The following SGCZ variants were observed in gnomAD, a reference collection of about 807,000 sequenced individuals.
SGCZ encodes zeta-sarcoglycan.
In SGCZ, 40 loss-of-function variants were observed where a neutral mutation model predicts 41.3. That is an observed-to-expected ratio of 0.97 (90% confidence interval 0.75 to 1.26). The LOEUF (loss-of-function observed/expected upper bound fraction) is 1.26, where lower values mean the gene tolerates loss of function less well. SGCZ is among the 50% of genes most tolerant of loss of function. The pLI, the probability that SGCZ is intolerant of heterozygous loss-of-function variation, is 0.00. For synonymous variants in SGCZ, 206 were observed against 137.5 expected (o/e 1.50, Z -3.49); for missense variants, 552 against 369.8 (o/e 1.49, Z -4.04).
At chr8:14,509,430 T>G (rs1802404757) in intron 2 of SGCZ, among the ~76,000 whole-genome samples, 1 of 152,194 alleles carries the variant, frequency 6.6e-6, no homozygotes, top group South Asian at 2.1e-4. Context: ...ATAATTGCTT[T>G]GGATATGATT....
At chr8:14,972,143 A>G (rs778041014) in intron 1 of SGCZ, among the ~76,000 whole-genome samples, 94 of 152,280 alleles carry the variant, frequency 6.2e-4, no homozygotes, top group Non-Finnish European at 1.1e-3. Flanking sequence ...AGAACTCTTC[A>G]GTAAATGATA....
chr8:14,557,345 T>C (rs993850063), intron 1 of SGCZ, among the ~76,000 whole-genome samples: 3 of 151,996 alleles, frequency 2.0e-5, no homozygotes, highest in Admixed American at 2.0e-4. Flanking sequence ...GTTGAATGTA[T>C]AGATTGTGAA....
intron 2 of SGCZ, among the ~76,000 whole-genome samples, chr8:14,500,069 G>A (rs944038554): frequency 6.6e-6 from 1 of 151,988 alleles, no homozygotes; most frequent in African/African-American, 2.4e-5. Flanking sequence ...CCATTAAAAG[G>A]GTACTTGAAA....
At chr8:14,633,862 T>C (rs1002605534) in intron 1 of SGCZ, among the ~76,000 whole-genome samples, 2 of 151,902 alleles carry the variant, frequency 1.3e-5, no homozygotes, top group Admixed American at 6.6e-5. Flanking sequence ...CTCATAAACA[T>C]GCTGTGTTTT....
intron 1 of SGCZ, among the ~76,000 whole-genome samples, chr8:14,756,428 G>A (rs751642075): frequency 2.0e-5 from 3 of 152,010 alleles, no homozygotes; most frequent in Non-Finnish European, 2.9e-5. Flanking sequence ...CAGGTGATCC[G>A]CCCATCTGGG....
chr8:14,505,030 A>C (rs903342264), intron 2 of SGCZ, among the ~76,000 whole-genome samples: 2 of 152,080 alleles, frequency 1.3e-5, no homozygotes, highest in African/African-American at 4.8e-5. Flanking sequence ...AAATTTATTA[A>C]ATTATAAAAT....
chr8:14,762,513 G>C (rs1234516294), intron 1 of SGCZ, among the ~76,000 whole-genome samples: 2 of 152,208 alleles, frequency 1.3e-5, no homozygotes, highest in Admixed American at 1.3e-4. Context: ...CCAACATATA[G>C]TAAGTACTGA....
intron 1 of SGCZ, among the ~76,000 whole-genome samples, chr8:14,898,643 C>T (rs901721572): frequency 1.3e-5 from 2 of 151,878 alleles, no homozygotes; most frequent in African/African-American, 4.8e-5. Context: ...AAGCGAGAAT[C>T]GAAAGGATTT....
chr8:14,752,493 T>C (rs1217374079), intron 1 of SGCZ, among the ~76,000 whole-genome samples: 1 of 152,216 alleles, frequency 6.6e-6, no homozygotes, highest in East Asian at 1.9e-4. Context: ...AATTACCATC[T>C]CAATCTATTG....
chr8:15,083,310 T>C (rs1342012531), intron 1 of SGCZ, among the ~76,000 whole-genome samples: 1 of 152,198 alleles, frequency 6.6e-6, no homozygotes. Context: ...AGAAATAGCA[T>C]ATAAACAGAT....
chr8:14,846,836 G>A (rs898100881), intron 1 of SGCZ, among the ~76,000 whole-genome samples: 5 of 151,878 alleles, frequency 3.3e-5, no homozygotes, highest in Admixed American at 6.6e-5. Flanking sequence ...TTGGGAGGCC[G>A]AGTCGGGTGG....
At position 14,395,275 on chromosome 8, in the gene SGCZ, T is replaced by C. The variant is rs113207952; in HGVS notation, c.235-71071A>G. On this transcript the variant is annotated intron_variant, in intron 2 of 7. Coordinates refer to ENST00000382080, the MANE Select transcript of SGCZ (RefSeq NM_139167.4). ...GCCCTTGAAAATTCAGATGCATGTA[T>C]TCAACTAGAAGTTACTATTGTGGTA... Among the ~76,000 whole-genome samples, 5 of 152,256 alleles carry C rather than the reference T, an allele frequency of 3.3e-5. 1 individual carries two copies. The highest frequency in any genetic ancestry group is 1.2e-4 in the African/African-American group (5 of 41,566).
intron 3 of SGCZ, among the ~76,000 whole-genome samples, chr8:14,316,373 T>G (rs757014328): frequency 2.0e-5 from 3 of 152,020 alleles, no homozygotes. Flanking sequence ...CATCACCATT[T>G]GTATATCTTT....
intron 1 of SGCZ, among the ~76,000 whole-genome samples, chr8:15,183,552 G>C (rs1173372617): frequency 1.3e-5 from 2 of 152,092 alleles, no homozygotes; most frequent in Non-Finnish European, 2.9e-5. Flanking sequence ...GCATCATTTT[G>C]TGTGTTACTG....
At chr8:15,178,385 A>T (rs1337195028) in intron 1 of SGCZ, among the ~76,000 whole-genome samples, 1 of 152,046 alleles carries the variant, frequency 6.6e-6, no homozygotes, top group Non-Finnish European at 1.5e-5. Flanking sequence ...TCTCCCATTT[A>T]ATTTCTCTAA....
chr8:14,299,975 C>T (rs922408138), intron 3 of SGCZ, among the ~76,000 whole-genome samples: 3 of 151,760 alleles, frequency 2.0e-5, no homozygotes, highest in African/African-American at 7.3e-5. Flanking sequence ...ATAAAAAATG[C>T]AAGAATATAC....
rs1809255350 is a variant in SGCZ, at chr8:14,704,153, G to A, written c.40-149227C>T. The stretch of plus-strand genomic sequence containing the variant: ...TCTGACATCTTGATTTTAGTCCTGG[G>A]GTAACTAGTTCATGGTCGTACAGCT... On this transcript the variant is annotated intron_variant, in intron 1 of 7. Transcript: ENST00000382080. Among the ~76,000 whole-genome samples the A allele has an allele frequency of 1.3e-5, 2 of 151,864 alleles. 1 individual carries two copies. The highest frequency in any genetic ancestry group is 4.1e-4 in the South Asian group (2 of 4,824).
In SGCZ at chr8:14,087,929, G is replaced by A. The variant is rs568592048; in HGVS notation, c.*2514C>T. 2.0e-5 allele frequency among the ~76,000 whole-genome samples: 3 copies of A among 151,770 alleles called. No individual in the cohort carries two copies. Among genetic ancestry groups the A allele is most frequent in the South Asian group, 2.1e-4 (1 of 4,822 alleles). On this transcript the variant is annotated 3_prime_UTR_variant, in exon 8 of 8. Coordinates refer to ENST00000382080, the MANE Select transcript of SGCZ (RefSeq NM_139167.4). Reference sequence around the variant, plus strand: ...ACTATATTTTCTACTGTACTGAACCGATTTGTTATATCATCTGGATACAGT... The same window carrying A: ...ACTATATTTTCTACTGTACTGAACCAATTTGTTATATCATCTGGATACAGT...
intron 1 of SGCZ, among the ~76,000 whole-genome samples, chr8:14,842,167 A>C (rs17573100): frequency 0.32 from 48,247 of 151,970 alleles, 9,019 homozygotes; most frequent in East Asian, 0.56. Context: ...CATCAGGATA[A>C]ATCTTCTGAA....
Sources: gnomAD v4.1 joint callset for allele counts (sites outside exome capture counted in the v4.1 genomes callset) on GRCh38, gnomAD v4.1.1 for gene constraint, MANE v1.5 for transcripts, NCBI Gene and HGNC (gene_info 2026-07-23, HGNC 2026-07-21) for gene names.